Variants in NDST3 observed in about 807,000 individuals in gnomAD.
NDST3 encodes the protein N-deacetylase and N-sulfotransferase 3, also known as bifunctional heparan sulfate N-deacetylase/N-sulfotransferase 3.
Under a neutral mutation model 96.1 loss-of-function variants are expected in NDST3, and 58 were observed. The observed-to-expected ratio is 0.60, with a 90% confidence interval of 0.49 to 0.75. The LOEUF (loss-of-function observed/expected upper bound fraction) is 0.75. NDST3 is among the 30% of genes least tolerant of loss of function. The pLI is 0.00. For synonymous variants in NDST3, 333 were observed against 359.7 expected (o/e 0.93, Z 0.84); for missense variants, 788 against 1,034.2 (o/e 0.76, Z 3.27).
chr4:118,051,417 T>A (rs889715005), intron 1 of NDST3, among the ~76,000 whole-genome samples: 1 of 152,104 alleles, frequency 6.6e-6, no homozygotes, highest in Non-Finnish European at 1.5e-5. Context: ...GGGACCTAAT[T>A]AAACTAAAGA....
chr4:118,196,813 T>C (rs1737723129), intron 6 of NDST3, among the ~76,000 whole-genome samples: 2 of 152,058 alleles, frequency 1.3e-5, no homozygotes, highest in Non-Finnish European at 2.9e-5. Flanking sequence ...TCTTTTGTAT[T>C]GTCTTCTTCA....
intron 2 of NDST3, among the ~76,000 whole-genome samples, chr4:118,066,021 A>G (rs1346380411): frequency 2.2e-5 from 3 of 135,590 alleles, no homozygotes; most frequent in Non-Finnish European, 3.1e-5. Flanking sequence ...ATCCTCAAAA[A>G]TAATAATAAT....
At chr4:118,051,005 AC>A (rs1725042624) in intron 1 of NDST3, among the ~76,000 whole-genome samples, 1 of 152,188 alleles carries the variant, frequency 6.6e-6, no homozygotes, top group African/African-American at 2.4e-5. Context: ...ACAGCATGGT[AC>A]TGGTACAAAA....
chr4:118,249,958 C>A (rs1741577042), intron 12 of NDST3, among the ~76,000 whole-genome samples: 1 of 152,098 alleles, frequency 6.6e-6, no homozygotes, highest in Admixed American at 6.5e-5. Context: ...TCACCTTGAC[C>A]CCTAGGAATC....
chr4:118,169,705 A>G (rs1735799253), intron 6 of NDST3, among the ~76,000 whole-genome samples: 1 of 152,038 alleles, frequency 6.6e-6, no homozygotes, highest in Admixed American at 6.6e-5. Flanking sequence ...GAGGCACAAG[A>G]ATCGCTTGAA....
Position 118,255,829 on chromosome 4 carries a change from G to A in NDST3, c.*117G>A. 8.3e-7 allele frequency: 1 copy of A among 1,203,620 alleles called. No homozygotes were observed. The highest frequency in any genetic ancestry group is 2.6e-5 in the East Asian group (1 of 38,018). 74.6% of individuals were successfully genotyped at this position (1,203,620 alleles called of 1,614,324 possible). ...CCTCTTCAAATGAGAAAAAAGAACA[G>A]TTTCTTCCATGTGCTGGCACGTGGA... On this transcript the variant is annotated 3_prime_UTR_variant, in exon 14 of 14. Coordinates refer to ENST00000296499, the MANE Select transcript of NDST3 (RefSeq NM_004784.3).
chr4:118,208,463 A>G, intron 6 of NDST3, among the ~76,000 whole-genome samples: 1 of 144,210 alleles, frequency 6.9e-6, no homozygotes, highest in South Asian at 2.3e-4. Flanking sequence ...TGACTCTTGT[A>G]TCTGGGTCAG....
At chr4:118,198,053 C>G (rs1269060285) in intron 6 of NDST3, among the ~76,000 whole-genome samples, 1 of 152,068 alleles carries the variant, frequency 6.6e-6, no homozygotes, top group East Asian at 1.9e-4. Flanking sequence ...CCACCTCAGC[C>G]TCCCAAAGTG....
At chr4:118,244,954 A>G (rs547411354) in intron 12 of NDST3, among the ~76,000 whole-genome samples, 4 of 152,110 alleles carry the variant, frequency 2.6e-5, no homozygotes, top group Non-Finnish European at 5.9e-5. Context: ...CTTTAAAAAT[A>G]TAAATAAGAA....
At chr4:118,226,796 A>T in intron 7 of NDST3, 90 bp from the exon 8 acceptor site, 1 of 868,618 alleles carries the variant, frequency 1.2e-6, no homozygotes. Flanking sequence ...GTTTCCTGGT[A>T]TACTTTTAAA....
At chr4:118,181,646 C>A (rs1265936251) in intron 6 of NDST3, among the ~76,000 whole-genome samples, 2 of 152,236 alleles carry the variant, frequency 1.3e-5, no homozygotes, top group East Asian at 3.9e-4. Context: ...TTTTAAATAT[C>A]TTTTCAAAAA....
intron 4 of NDST3, among the ~76,000 whole-genome samples, chr4:118,136,165 C>T (rs112313924): frequency 0.038 from 5,824 of 152,194 alleles, 178 homozygotes; most frequent in African/African-American, 0.082. Flanking sequence ...TTTCTTCCCA[C>T]ACTCTTCAAA....
At chr4:118,207,443 T>C (rs913344349) in intron 6 of NDST3, among the ~76,000 whole-genome samples, 1 of 144,802 alleles carries the variant, frequency 6.9e-6, no homozygotes, top group Non-Finnish European at 1.5e-5. Context: ...AAAGAAAATT[T>C]AAGAAATCAT....
chr4:118,054,263 C>T lies in NDST3; in HGVS notation c.353C>T (p.Pro118Leu). The T allele has an allele frequency of 6.2e-7, 1 of 1,612,480 alleles. No homozygotes were observed. Among genetic ancestry groups the T allele is most frequent in the Non-Finnish European group, 8.5e-7 (1 of 1,179,268 alleles). ...IEIAPGKGDL[P>L]VLIDKMKGKY... Reference sequence around the variant, plus strand: ...ATTGCCCCTGGAAAGGGAGATCTCCCAGTGCTTATAGACAAAATGAAAGGC... The same window carrying T: ...ATTGCCCCTGGAAAGGGAGATCTCCTAGTGCTTATAGACAAAATGAAAGGC... Residue 118 changes from proline to leucine, a missense_variant, in exon 2 of 14, where the codon CCA becomes CTA. By Grantham distance (98) the Pro-to-Leu change is moderately conservative. Coordinates refer to ENST00000296499, the MANE Select transcript of NDST3 (RefSeq NM_004784.3).
At chr4:118,234,774 A>C (rs1039805390) in intron 9 of NDST3, among the ~76,000 whole-genome samples, 1 of 152,146 alleles carries the variant, frequency 6.6e-6, no homozygotes, top group Admixed American at 6.6e-5. Context: ...TCACACCTGT[A>C]ATCCCAGCAC....
chr4:118,108,150 C>T (rs1730356758), intron 3 of NDST3, among the ~76,000 whole-genome samples: 1 of 152,118 alleles, frequency 6.6e-6, no homozygotes, highest in African/African-American at 2.4e-5. Context: ...GGAACCTCCC[C>T]CATGATTCAA....
chr4:118,229,227 G>C (rs1740111229), intron 8 of NDST3, among the ~76,000 whole-genome samples: 1 of 152,150 alleles, frequency 6.6e-6, no homozygotes, highest in Non-Finnish European at 1.5e-5. Flanking sequence ...CTTGAACCTG[G>C]GAGGCAGATG....
intron 6 of NDST3, among the ~76,000 whole-genome samples, chr4:118,181,184 A>G (rs1019544182): frequency 3.9e-5 from 6 of 152,132 alleles, no homozygotes; most frequent in Non-Finnish European, 7.4e-5. Flanking sequence ...TATCAGAGTC[A>G]CCAGAAGTCT....
chr4:118,131,899 CCAAA>C (rs1307055682), intron 4 of NDST3, among the ~76,000 whole-genome samples: 1 of 151,972 alleles, frequency 6.6e-6, no homozygotes, highest in Non-Finnish European at 1.5e-5. Flanking sequence ...TTAGTTTCTC[CCAAA>C]CAAACAGAGT....
Sources: allele counts gnomAD v4.1 joint callset (sites outside exome capture counted in the v4.1 genomes callset), GRCh38; gene constraint gnomAD v4.1.1; transcripts MANE v1.5; gene names NCBI Gene and HGNC (gene_info 2026-07-23, HGNC 2026-07-21).